The following CCDC141 variants were observed in gnomAD, a reference collection of about 807,000 sequenced individuals.
The protein encoded by CCDC141 is coiled-coil domain containing 141.
In CCDC141, 168 loss-of-function variants were observed where a neutral mutation model predicts 181.0. The observed-to-expected ratio is 0.93, with a 90% confidence interval of 0.82 to 1.05. The LOEUF is 1.05. Ranked by LOEUF, CCDC141 falls within the 50% of genes least tolerant of loss-of-function variation. CCDC141 has a pLI of 0.00. For missense variants in CCDC141, 1,902 were observed against 1,788.5 expected (o/e 1.06, Z -1.14); for synonymous variants, 666 against 642.3 (o/e 1.04, Z -0.56).
intron 4 of CCDC141, among the ~76,000 whole-genome samples, chr2:178,973,610 A>C (rs1422158060): frequency 6.6e-6 from 1 of 152,146 alleles, no homozygotes; most frequent in Admixed American, 6.5e-5. Flanking sequence ...GCAACAACAA[A>C]ACAGCATTAA....
At chr2:179,002,284 G>C in intron 2 of CCDC141, 1 of 280,514 alleles carries the variant, frequency 3.6e-6, no homozygotes, top group Non-Finnish European at 7.0e-6. Context: ...CTGCTACTGA[G>C]TACAGGGCAT....
intron 2 of CCDC141, among the ~76,000 whole-genome samples, chr2:179,015,564 T>TATG (rs367585895): frequency 7.6e-6 from 1 of 132,308 alleles, no homozygotes; most frequent in Non-Finnish European, 1.6e-5. Context: ...ATCTCATATA[T>TATG]ATCTCATATA....
intron 7 of CCDC141, among the ~76,000 whole-genome samples, chr2:178,915,577 T>C (rs780144850): frequency 6.6e-6 from 1 of 152,202 alleles, no homozygotes; most frequent in Non-Finnish European, 1.5e-5. Context: ...AAGAATGAAA[T>C]TGATTTTCAA....
At chr2:178,855,213 G>GA (rs575710575) in intron 19 of CCDC141, 134 bp downstream of exon 19, 48 of 695,438 alleles carry the variant, frequency 6.9e-5, no homozygotes, top group South Asian at 3.8e-4. Flanking sequence ...TTATCCTAAG[G>GA]AAAAAAAATC....
At chr2:178,907,838 TA>T (rs1052039105) in intron 7 of CCDC141, among the ~76,000 whole-genome samples, 53 of 146,858 alleles carry the variant, frequency 3.6e-4, no homozygotes, top group East Asian at 2.4e-3. Flanking sequence ...TACTAAAAAT[TA>T]AAAAAAAAAA....
At chr2:179,017,002 T>C (rs561194876) in intron 2 of CCDC141, among the ~76,000 whole-genome samples, 87 of 152,236 alleles carry the variant, frequency 5.7e-4, no homozygotes, top group African/African-American at 1.7e-3. Flanking sequence ...TCTTATTTTT[T>C]TAATAGAGGA....
intron 3 of CCDC141, among the ~76,000 whole-genome samples, chr2:178,977,544 G>T (rs1165701855): frequency 6.6e-6 from 1 of 152,136 alleles, no homozygotes; most frequent in Non-Finnish European, 1.5e-5. Flanking sequence ...TGAAAAACAA[G>T]CCTTGAAAGT....
chr2:178,851,354 C>T (rs1338847283), intron 20 of CCDC141, among the ~76,000 whole-genome samples: 1 of 152,102 alleles, frequency 6.6e-6, no homozygotes, highest in Non-Finnish European at 1.5e-5. Context: ...CCCCATCCTG[C>T]CAAGTTCATA....
intron 16 of CCDC141, among the ~76,000 whole-genome samples, chr2:178,867,583 C>T (rs184873168): frequency 1.2e-4 from 19 of 152,172 alleles, no homozygotes; most frequent in East Asian, 3.9e-4. Context: ...TTTACAGTTT[C>T]GAAAGTTGAT....
chr2:178,902,610 A>C (rs191750785), intron 8 of CCDC141, among the ~76,000 whole-genome samples: 1 of 152,178 alleles, frequency 6.6e-6, no homozygotes, highest in African/African-American at 2.4e-5. Context: ...TTAATTCAAG[A>C]TGGACTAAAG....
chr2:178,848,711 G>A (rs1226021086), intron 21 of CCDC141, among the ~76,000 whole-genome samples: 4 of 152,104 alleles, frequency 2.6e-5, no homozygotes, highest in Admixed American at 6.6e-5. Flanking sequence ...GCAAAGAGTC[G>A]GAGGAAGCAC....
the CCDC141 span, among the ~76,000 whole-genome samples, chr2:178,816,113 T>A: frequency 6.6e-6 from 1 of 152,212 alleles, no homozygotes; most frequent in Non-Finnish European, 1.5e-5. Flanking sequence ...TTTCGATTGA[T>A]GTTTAATGAC....
intron 6 of CCDC141, among the ~76,000 whole-genome samples, chr2:178,939,087 G>C (rs1474125463): frequency 6.6e-6 from 1 of 152,082 alleles, no homozygotes; most frequent in South Asian, 2.1e-4. Context: ...AGTGGCTAAG[G>C]AAAATGTGTA....
intron 3 of CCDC141, 113 bp from the exon 4 acceptor site, chr2:178,975,278 G>T (rs1691070562): frequency 1.8e-6 from 1 of 563,768 alleles, no homozygotes; most frequent in Non-Finnish European, 3.2e-6. Flanking sequence ...GAGGATGTGT[G>T]ATTATGCAAG....
chr2:178,909,708 C>G (rs529357799), intron 7 of CCDC141, among the ~76,000 whole-genome samples: 6 of 152,284 alleles, frequency 3.9e-5, no homozygotes, highest in Admixed American at 2.6e-4. Context: ...TTACCATACC[C>G]ATAAAGAACC....
chr2:178,837,679 G>T lies in CCDC141; in HGVS notation c.3540C>A (p.Asp1180Glu). The T allele has an allele frequency of 6.2e-7, 1 of 1,613,960 alleles. No individual in the cohort carries two copies. Among genetic ancestry groups the T allele is most frequent in the African/African-American group, 1.3e-5 (1 of 74,998 alleles). Residue 1180 changes from aspartate to glutamate, a missense_variant, in exon 23 of 24, where the codon GAC becomes GAA. Coordinates refer to ENST00000443758, the MANE Select transcript of CCDC141 (RefSeq NM_173648.4). ...CCTCCTTGTCAGTGGACACCTTCAG[G>T]TCTTGTGGTAGTCGCTCTTCCCCTG... Reference protein sequence around the residue: ...NGTGEERLPQDLKVSTDKEGG... With the variant: ...NGTGEERLPQELKVSTDKEGG...
intron 17 of CCDC141, among the ~76,000 whole-genome samples, chr2:178,862,306 G>T (rs535203866): frequency 2.6e-5 from 4 of 152,274 alleles, no homozygotes; most frequent in African/African-American, 9.6e-5. Flanking sequence ...TGAGAACACG[G>T]ATACCAACCC....
intron 4 of CCDC141, among the ~76,000 whole-genome samples, chr2:178,972,318 C>T (rs577908541): frequency 5.9e-4 from 90 of 152,184 alleles, no homozygotes; most frequent in African/African-American, 2.0e-3. Context: ...TCTGCCATGT[C>T]GTACATTGGA....
intron 6 of CCDC141, among the ~76,000 whole-genome samples, chr2:178,927,147 A>G (rs992102217): frequency 2.0e-5 from 3 of 152,160 alleles, no homozygotes; most frequent in African/African-American, 4.8e-5. Flanking sequence ...AATTTTTTCA[A>G]CTCATCTTTT....
Sources: gnomAD v4.1 joint callset for allele counts (sites outside exome capture counted in the v4.1 genomes callset) on GRCh38, gnomAD v4.1.1 for gene constraint, MANE v1.5 for transcripts, NCBI Gene and HGNC (gene_info 2026-07-23, HGNC 2026-07-21) for gene names.